Variants in MACF1 observed in about 807,000 individuals in gnomAD.
MACF1 encodes microtubule actin crosslinking factor 1.
Under a neutral mutation model 854.8 loss-of-function variants are expected in MACF1, and 193 were observed. The observed-to-expected ratio is 0.23, with a 90% CI of 0.20 to 0.25. The LOEUF is 0.25. Among genes scored for constraint, MACF1 ranks in the 10% least tolerant of loss-of-function variants. MACF1 has a pLI of 1.00. For missense variants in MACF1, 7,722 were observed against 8,929.1 expected, an observed-to-expected ratio of 0.86 and a Z score of 5.45; for synonymous variants, 3,185 against 3,226.7, an observed-to-expected ratio of 0.99 and a Z score of 0.44.
intron 2 of MACF1, among the ~76,000 whole-genome samples, chr1:39,091,193 G>C (rs1052306582): frequency 4.6e-5 from 7 of 152,182 alleles, no homozygotes; most frequent in Non-Finnish European, 8.8e-5. Context: ...GTCAGGGGAG[G>C]ATTCTGCCTG....
In MACF1 at chr1:39,316,519, C is replaced by A; in HGVS notation, c.3578C>A (p.Ser1193Ter). ...CTCTCAGCTCTGGAGGCCCATTGGT[C>A]GACATTACGGGTGAGTTGCTCTGAG... is the stretch of plus-strand genomic sequence containing the variant. ...ADLSALEAHW[S>*]TLRHWLSDVK... The change falls in exon 28 of 101, where the codon TCG becomes TAG. Residue 1193 changes from serine to a stop codon, truncating the protein, a stop_gained. Transcript: ENST00000564288. LOFTEE classifies it high-confidence loss of function. 1 of 1,612,920 alleles carries A rather than the reference C, an allele frequency of 6.2e-7. No homozygotes were observed. Among genetic ancestry groups the A allele is most frequent in the South Asian group, 1.1e-5 (1 of 90,870 alleles).
rs1240520958 is a variant in MACF1 at position 39,358,728 on chromosome 1, T to C, written c.11975T>C (p.Leu3992Pro). 6.2e-7 allele frequency: 1 copy of C among 1,614,050 alleles called. No homozygotes were observed. Among genetic ancestry groups the C allele is most frequent in the Non-Finnish European group, 8.5e-7 (1 of 1,180,020 alleles). Residue 3992 changes from leucine to proline, a missense_variant, in exon 46 of 101, where the codon CTG becomes CCG. This residue lies in a region of MACF1 where 2,807 missense variants were observed against 3,235.8 expected (regional missense o/e 0.87). Transcript: ENST00000564288. The stretch of plus-strand genomic sequence containing the variant: ...CGATTAGGATCTCACCTGAATATGC[T>C]GTTAGGCCAGTATCATCAATTCCAA... ...CTRLGSHLNM[L>P]LGQYHQFQNS...
intron 62 of MACF1, 58 bp downstream of exon 62, chr1:39,427,672 G>C: frequency 6.5e-7 from 1 of 1,531,794 alleles, no homozygotes; most frequent in Non-Finnish European, 8.9e-7. Context: ...TCCTAGAAAT[G>C]AGTAAACTGC....
At chr1:39,411,921 G>A in intron 58 of MACF1, 1 of 1,613,844 alleles carries the variant, frequency 6.2e-7, no homozygotes, top group Non-Finnish European at 8.5e-7. Context: ...CTAATGCTGT[G>A]GAACTTATTG....
chr1:39,211,796 G>C (rs1053540818), intron 1 of MACF1, among the ~76,000 whole-genome samples: 1 of 151,950 alleles, frequency 6.6e-6, no homozygotes, highest in African/African-American at 2.4e-5. Flanking sequence ...CAGGAGAATC[G>C]CTTGAACCCG....
chr1:39,141,821 A>G (rs1294834815), intron 2 of MACF1, among the ~76,000 whole-genome samples: 1 of 152,200 alleles, frequency 6.6e-6, no homozygotes, highest in Non-Finnish European at 1.5e-5. Context: ...GGGTAGTGGG[A>G]GACCAGGAGG....
chr1:39,219,740 T>G (rs1160717526), intron 1 of MACF1, among the ~76,000 whole-genome samples: 2 of 152,224 alleles, frequency 1.3e-5, no homozygotes, highest in African/African-American at 4.8e-5. Context: ...TGGGAGTACC[T>G]GCTCCCTGCT....
chr1:39,315,555 G>A lies in MACF1; in HGVS notation c.3313G>A (p.Ala1105Thr). The A allele has an allele frequency of 6.2e-7, 1 of 1,614,172 alleles. No homozygotes were observed. Among genetic ancestry groups the A allele is most frequent in the Non-Finnish European group, 8.5e-7 (1 of 1,180,024 alleles). Residue 1105 changes from alanine (A) to threonine (T), a missense_variant, in exon 27 of 101, where the codon GCA (alanine) becomes ACA (threonine). Transcript: ENST00000564288. ...DLQQLRSDLD[A>T]VSMKCDSFLH... is the part of the protein sequence containing the mutation. ...ACAGCAATTGAGGTCAGACTTGGATGCAGTTTCTATGAAATGTGACAGCTT... is the reference window on the plus strand; with the variant it reads ...ACAGCAATTGAGGTCAGACTTGGATACAGTTTCTATGAAATGTGACAGCTT...
intron 2 of MACF1, among the ~76,000 whole-genome samples, chr1:39,123,535 C>T (rs1642774822): frequency 6.7e-6 from 1 of 150,326 alleles, no homozygotes; most frequent in Non-Finnish European, 1.5e-5. Context: ...TATCAAGATT[C>T]CCAGGTGATT....
intron 2 of MACF1, among the ~76,000 whole-genome samples, chr1:39,102,431 A>AG (rs757838404): frequency 1.4e-4 from 14 of 98,274 alleles, no homozygotes; most frequent in East Asian, 5.1e-4. Flanking sequence ...TATTAATTGG[A>AG]GGCGGGGGGG....
Position 39,361,657 on chromosome 1 carries a change from C to A in MACF1, c.12751C>A (p.His4251Asn), listed in dbSNP as rs146231118. The change falls in exon 49 of 101, where the codon CAT becomes AAT. Residue 4251 changes from histidine to asparagine, a missense_variant. By Grantham distance (68) the His-to-Asn change is moderately conservative (BLOSUM62 1). Around this residue, in one of 15 missense-constraint regions of MACF1, gnomAD observed 2,807 missense variants for 3,235.8 expected, o/e 0.87. Coordinates refer to ENST00000564288, the MANE Select transcript of MACF1 (RefSeq NM_001394062.1). Reference protein sequence around the residue: ...SGNQPDQDITHFFQQIQELNL... With the variant: ...SGNQPDQDITNFFQQIQELNL... ...AAATCAGCCAGATCAAGATATTACA[C>A]ATTTCTTCCAACAGATCCAGGTGAG... is the stretch of plus-strand genomic sequence containing the variant. 23 of 1,614,116 alleles carry A rather than the reference C, an allele frequency of 1.4e-5. No individual in the cohort carries two copies. In the African/African-American group the frequency reaches 2.3e-4, roughly 16 times the overall value.
Position 39,316,400 on chromosome 1 carries a change from A to G in MACF1, c.3459A>G (p.Thr1153=). 1 of 1,610,818 alleles carries G rather than the reference A, an allele frequency of 6.2e-7. No individual in the cohort carries two copies. The highest frequency in any genetic ancestry group is 8.5e-7 in the Non-Finnish European group (1 of 1,178,252). ...GTATTTGTCCCCACAGGTTAAAGAC[A>G]GTTGATGTTATAGTACGTAGCATAC... is the stretch of plus-strand genomic sequence containing the variant. ...LSTVYLNKLK[T]VDVIVRSIQD... The change falls in exon 28 of 101, where the codon ACA becomes ACG. Residue 1153 remains threonine (T), a synonymous_variant. Transcript: ENST00000564288.
intron 2 of MACF1, among the ~76,000 whole-genome samples, chr1:39,193,587 C>T (rs1644282523): frequency 1.3e-5 from 2 of 152,142 alleles, no homozygotes; most frequent in African/African-American, 2.4e-5. Context: ...TACTGTGTGC[C>T]AAATATATTA....
At chr1:39,427,433 C>T (rs745454372) in intron 61 of MACF1, 22 bp from the exon 62 acceptor site, 6 of 1,608,256 alleles carry the variant, frequency 3.7e-6, no homozygotes, top group Non-Finnish European at 5.1e-6. Flanking sequence ...TCCTGAGCAG[C>T]TTGTTCTATA....
chr1:39,452,906 A>C, intron 87 of MACF1, 94 bp downstream of exon 87: 1 of 1,453,026 alleles, frequency 6.9e-7, no homozygotes, highest in South Asian at 1.3e-5. Flanking sequence ...TGGAAATATC[A>C]GAGCTCACAT....
intron 2 of MACF1, among the ~76,000 whole-genome samples, chr1:39,126,872 A>T (rs937790580): frequency 1.3e-5 from 2 of 152,228 alleles, no homozygotes; most frequent in African/African-American, 4.8e-5. Context: ...GAGTGAACAT[A>T]TATGAAATTA....
intron 2 of MACF1, among the ~76,000 whole-genome samples, chr1:39,160,543 A>C (rs1304838965): frequency 1.3e-5 from 2 of 152,220 alleles, no homozygotes; most frequent in African/African-American, 4.8e-5. Context: ...AATAGTCTTT[A>C]TAGCATAAAA....
chr1:39,361,885 A>G (rs1168178290), intron 49 of MACF1, among the ~76,000 whole-genome samples: 4 of 152,178 alleles, frequency 2.6e-5, no homozygotes, highest in East Asian at 1.9e-4. Context: ...CTCTTATTAC[A>G]TGTTCAACCC....
chr1:39,342,057 C>G (rs1353764857), intron 40 of MACF1, among the ~76,000 whole-genome samples: 3 of 151,720 alleles, frequency 2.0e-5, no homozygotes, highest in Non-Finnish European at 2.9e-5. Flanking sequence ...CTCCCACCCC[C>G]TCACCCTCAA....
Sources: allele counts gnomAD v4.1 joint callset (sites outside exome capture counted in the v4.1 genomes callset), GRCh38; gene constraint gnomAD v4.1.1; regional missense constraint gnomAD v4.1.1; transcripts MANE v1.5; gene names NCBI Gene and HGNC (gene_info 2026-07-23, HGNC 2026-07-21).